Variants in ST3GAL1 observed in about 807,000 individuals in gnomAD.
ST3GAL1 encodes ST3 beta-galactoside alpha-2,3-sialyltransferase 1, also known as CMP-N-acetylneuraminate-beta-galactosamide-alpha-2,3-sialyltransferase 1.
In ST3GAL1, 16 loss-of-function variants were observed where a neutral mutation model predicts 34.1. The ratio of observed to expected loss-of-function variants is 0.47; its 90% CI spans 0.32 to 0.71. The LOEUF is 0.71. Among genes scored for constraint, ST3GAL1 ranks in the 30% least tolerant of loss-of-function variants. The pLI is 0.04. For synonymous variants in ST3GAL1, 191 were observed against 184.7 expected (o/e 1.03, Z -0.28); for missense variants, 353 against 447.4 (o/e 0.79, Z 1.90).
At chr8:133,566,149 G>A (rs1051959842) in intron 1 of ST3GAL1, among the ~76,000 whole-genome samples, 1 of 152,192 alleles carries the variant, frequency 6.6e-6, no homozygotes, top group Non-Finnish European at 1.5e-5. Flanking sequence ...TGGCTTCTTA[G>A]GCCAGGGTTC....
chr8:133,516,519 C>A (rs1394245251), intron 2 of ST3GAL1, among the ~76,000 whole-genome samples: 1 of 152,190 alleles, frequency 6.6e-6, no homozygotes, highest in African/African-American at 2.4e-5. Context: ...TTTGCACTTG[C>A]TGAATTTTCT....
At chr8:133,490,948 G>A (rs1168949154) in intron 3 of ST3GAL1, among the ~76,000 whole-genome samples, 7 of 152,142 alleles carry the variant, frequency 4.6e-5, no homozygotes, top group Admixed American at 6.6e-5. Context: ...CTGCATCGGC[G>A]CCTGCCCATT....
intron 1 of ST3GAL1, among the ~76,000 whole-genome samples, chr8:133,569,490 T>C (rs1172450062): frequency 2.6e-5 from 4 of 152,078 alleles, no homozygotes. Flanking sequence ...ATTTTGCAGA[T>C]ATAGAAACTG....
chr8:133,497,673 A>G (rs1212282158), intron 3 of ST3GAL1, among the ~76,000 whole-genome samples: 1 of 151,816 alleles, frequency 6.6e-6, no homozygotes, highest in East Asian at 1.9e-4. Context: ...GGGTTTCACC[A>G]TGTTGGCCAG....
chr8:133,475,207 G>A (rs1183598401), intron 5 of ST3GAL1, among the ~76,000 whole-genome samples: 2 of 152,236 alleles, frequency 1.3e-5, no homozygotes, highest in African/African-American at 2.4e-5. Flanking sequence ...GGCAGAGGCT[G>A]GACTGCTGCA....
intron 5 of ST3GAL1, among the ~76,000 whole-genome samples, chr8:133,468,563 T>C (rs1393681687): frequency 6.6e-6 from 1 of 152,202 alleles, no homozygotes; most frequent in South Asian, 2.1e-4. Flanking sequence ...ATGGTGATTG[T>C]TACACACACT....
rs1212624521 is a variant in ST3GAL1, at chr8:133,476,548, G to T, written c.-321C>A. On this transcript the variant is annotated 5_prime_UTR_variant, in exon 4 of 10. Transcript: ENST00000522652. ...TTTTCTTTCCCATCCTGTCGCCAGG[G>T]ACATGGTGGGTACACAACCAGCTTG... is the stretch of plus-strand genomic sequence containing the variant. The T allele has an allele frequency of 1.3e-5, 2 of 152,980 alleles. No homozygotes were observed. The highest frequency in any genetic ancestry group is 2.9e-5 in the Non-Finnish European group (2 of 68,618). 9.5% of individuals were successfully genotyped at this position (152,980 alleles called of 1,614,324 possible).
Position 133,467,291 on chromosome 8 carries a change from A to G in ST3GAL1, c.307-1201T>C, listed in dbSNP as rs1470281362. 9.2e-5 allele frequency among the ~76,000 whole-genome samples: 14 copies of G among 152,162 alleles called. No individual in the cohort carries two copies. The highest frequency in any genetic ancestry group is 9.2e-4 in the Admixed American group (14 of 15,280). ...TGGTTTCACTATTGGCCCCCGCTGC[A>G]TGCCCAGGCCCGCCCGTCACCTCAG... On this transcript the variant is annotated intron_variant, in intron 5 of 9. Transcript: ENST00000522652. The surrounding 1 kb of genome is among the most constrained non-coding windows in gnomAD (Gnocchi z 4.2).
intron 3 of ST3GAL1, among the ~76,000 whole-genome samples, chr8:133,479,225 G>A (rs1376139217): frequency 1.3e-5 from 2 of 152,128 alleles, no homozygotes; most frequent in African/African-American, 2.4e-5. Context: ...GGGGTGCATC[G>A]TAAAAGGATC....
At chr8:133,541,866 A>C (rs1250972285) in intron 2 of ST3GAL1, among the ~76,000 whole-genome samples, 1 of 152,188 alleles carries the variant, frequency 6.6e-6, no homozygotes, top group Non-Finnish European at 1.5e-5. Flanking sequence ...GGGCCTGAAC[A>C]CGGTTTAATA....
At chr8:133,511,108 C>T (rs1817488216) in intron 2 of ST3GAL1, among the ~76,000 whole-genome samples, 1 of 152,168 alleles carries the variant, frequency 6.6e-6, no homozygotes, top group Admixed American at 6.6e-5. Context: ...TGAATTAAAT[C>T]CTTGTGATAC....
intron 2 of ST3GAL1, among the ~76,000 whole-genome samples, chr8:133,531,244 CTATA>C (rs940607156): frequency 2.6e-5 from 4 of 152,036 alleles, no homozygotes; most frequent in Admixed American, 2.6e-4. Flanking sequence ...ATATACATGA[CTATA>C]TAGTACACAC....
At chr8:133,519,208 C>G (rs1280735546) in intron 2 of ST3GAL1, among the ~76,000 whole-genome samples, 1 of 152,120 alleles carries the variant, frequency 6.6e-6, no homozygotes, top group Non-Finnish European at 1.5e-5. Context: ...ACTAGCCTGG[C>G]AAAAATTAGA....
chr8:133,485,417 G>C (rs115872412), intron 3 of ST3GAL1, among the ~76,000 whole-genome samples: 409 of 152,304 alleles, frequency 2.7e-3, no homozygotes, highest in African/African-American at 9.6e-3. Flanking sequence ...AAGCTTCGTG[G>C]CCTGTGGGCC....
At chr8:133,560,805 C>T (rs1329828135) in intron 1 of ST3GAL1, among the ~76,000 whole-genome samples, 1 of 152,196 alleles carries the variant, frequency 6.6e-6, no homozygotes, top group Non-Finnish European at 1.5e-5. Context: ...CTGCCACTTT[C>T]GAGCTAAGTG....
In ST3GAL1 at chr8:133,458,487, C is replaced by A. The variant is rs1367951739; in HGVS notation, c.*1277G>T. On this transcript the variant is annotated 3_prime_UTR_variant, in exon 10 of 10. Transcript: ENST00000522652. Reference sequence around the variant, plus strand: ...GCTCAGGCCCTTGGGGAAAATGCTGCTGGCAGCCTCCTGTGTGGCTTTGGA... The same window carrying A: ...GCTCAGGCCCTTGGGGAAAATGCTGATGGCAGCCTCCTGTGTGGCTTTGGA... 1 of 152,212 alleles carries A rather than the reference C, an allele frequency of 6.6e-6. No homozygotes were observed. Among genetic ancestry groups the A allele is most frequent in the Non-Finnish European group, 1.5e-5 (1 of 68,076 alleles). The allele number at this position is 152,212 out of a possible 1,614,324, so 9.4% of individuals were successfully genotyped here. A position where few individuals can be genotyped will look rare whatever the true frequency, so the allele number is the denominator to read the frequency against.
At chr8:133,486,193 C>CAG (rs1816587768) in intron 3 of ST3GAL1, among the ~76,000 whole-genome samples, 1 of 152,216 alleles carries the variant, frequency 6.6e-6, no homozygotes, top group South Asian at 2.1e-4. Flanking sequence ...AACTTCACAC[C>CAG]TACTGGTGTG....
intron 3 of ST3GAL1, among the ~76,000 whole-genome samples, chr8:133,484,352 G>T (rs867681269): frequency 6.6e-6 from 1 of 152,308 alleles, no homozygotes; most frequent in South Asian, 2.1e-4. Flanking sequence ...CTTAATACAC[G>T]GGAGTTACCT....
At position 133,466,988 on chromosome 8, in the gene ST3GAL1, G is replaced by A. The variant is rs548157574; in HGVS notation, c.307-898C>T. 1.9e-4 allele frequency among the ~76,000 whole-genome samples: 29 copies of A among 152,090 alleles called. No homozygotes were observed. Among genetic ancestry groups the A allele is most frequent in the African/African-American group, 6.8e-4 (28 of 41,476 alleles). On this transcript the variant is annotated intron_variant, in intron 5 of 9. Coordinates refer to ENST00000522652, the MANE Select transcript of ST3GAL1 (RefSeq NM_173344.3). This position sits in a 1 kb window ranked among gnomAD's most constrained non-coding sequence, Gnocchi z 4.4. ...TGCCCACCTGTAGTCCCAGCTACTT[G>A]GGAGGCTGAAGTGGGAGAATCTCTT...
Sources: allele counts gnomAD v4.1 joint callset (sites outside exome capture counted in the v4.1 genomes callset), GRCh38; gene constraint gnomAD v4.1.1; non-coding constraint Gnocchi (gnomAD v3.1); transcripts MANE v1.5; gene names NCBI Gene and HGNC (gene_info 2026-07-23, HGNC 2026-07-21).